SCHIP1: variants seen among roughly 807,000 people sequenced by gnomAD.
SCHIP1 encodes the protein schwannomin interacting protein 1.
A neutral mutation model predicts 29.7 loss-of-function variants in SCHIP1; 8 were observed. The ratio of observed to expected loss-of-function variants is 0.27; its 90% confidence interval spans 0.16 to 0.49. SCHIP1 has a LOEUF of 0.49. Among genes scored for constraint, SCHIP1 ranks in the 20% least tolerant of loss-of-function variants. SCHIP1 has a pLI of 0.99. For missense variants in SCHIP1, 193 were observed against 294.6 expected (o/e 0.66, Z 2.52); for synonymous variants, 76 against 94.9 (o/e 0.80, Z 1.16).
chr3:159,274,484 G>A, the SCHIP1 span: 1 of 721,940 alleles, frequency 1.4e-6, no homozygotes, highest in Non-Finnish European at 1.7e-6. Flanking sequence ...ATGGGCTATT[G>A]AAATAGTACT....
chr3:159,533,480 G>GT, the SCHIP1 span, among the ~76,000 whole-genome samples: 4 of 152,070 alleles, frequency 2.6e-5, no homozygotes, highest in East Asian at 1.9e-4. Context: ...ATTATTTTGG[G>GT]TTTTTTTCTC....
chr3:159,748,357 A>T, the SCHIP1 span, among the ~76,000 whole-genome samples: 1 of 152,256 alleles, frequency 6.6e-6, no homozygotes, highest in East Asian at 1.9e-4. Context: ...CATTGATAGT[A>T]CTAATGTAAA....
At chr3:159,793,700 G>A in the SCHIP1 span, among the ~76,000 whole-genome samples, 1 of 152,154 alleles carries the variant, frequency 6.6e-6, no homozygotes, top group African/African-American at 2.4e-5. Context: ...TGGGATTACA[G>A]GCGTGTGCCA....
the SCHIP1 span, chr3:159,274,193 C>T: frequency 2.0e-6 from 2 of 984,646 alleles, no homozygotes; most frequent in Non-Finnish European, 2.4e-6. Flanking sequence ...TTTTAATATA[C>T]ACATGTAAAT....
chr3:159,423,289 G>A, the SCHIP1 span, among the ~76,000 whole-genome samples: 1,826 of 152,338 alleles, frequency 0.012, 28 homozygotes, highest in Non-Finnish European at 0.019. Flanking sequence ...GGGTCAAGGA[G>A]TTCCCTTTCC....
At chr3:159,547,265 G>A in the SCHIP1 span, among the ~76,000 whole-genome samples, 2 of 152,026 alleles carry the variant, frequency 1.3e-5, no homozygotes, top group Non-Finnish European at 2.9e-5. Flanking sequence ...TTGTTGATGG[G>A]GCTGTTTTCT....
chr3:159,799,360 C>T, the SCHIP1 span, among the ~76,000 whole-genome samples: 3 of 152,352 alleles, frequency 2.0e-5, no homozygotes, highest in South Asian at 2.1e-4. Flanking sequence ...TACTTCACCT[C>T]GCTGAGCATC....
At chr3:159,764,737 C>G in the SCHIP1 span, 3 of 1,572,208 alleles carry the variant, frequency 1.9e-6, no homozygotes, top group East Asian at 2.4e-5. The surrounding 1 kb of genome is among the most constrained non-coding windows in gnomAD (Gnocchi z 6.1). Context: ...CTCTCCGGCC[C>G]GGGAACCGGG....
At chr3:159,630,088 A>T in the SCHIP1 span, among the ~76,000 whole-genome samples, 1 of 152,226 alleles carries the variant, frequency 6.6e-6, no homozygotes, top group Non-Finnish European at 1.5e-5. Context: ...AGCATGAAAG[A>T]GCATTACACA....
At chr3:159,637,018 A>G in the SCHIP1 span, among the ~76,000 whole-genome samples, 1 of 152,178 alleles carries the variant, frequency 6.6e-6, no homozygotes, top group Non-Finnish European at 1.5e-5. Flanking sequence ...TATTGATATT[A>G]CACTACTGAT....
intron 1 of SCHIP1, among the ~76,000 whole-genome samples, chr3:159,847,094 C>T (rs1711945296): frequency 6.6e-6 from 1 of 152,020 alleles, no homozygotes; most frequent in African/African-American, 2.4e-5. Context: ...TTAAGAAGTA[C>T]ATATGTGAAA....
rs577384704 is a variant in SCHIP1 at position 159,877,347 on chromosome 3, T to C, written c.150-8860T>C. On this transcript the variant is annotated intron_variant, in intron 2 of 6. Coordinates refer to ENST00000445224, the Ensembl canonical transcript of SCHIP1. ...CCTGGGTGACAAGAGCGAAACTCTG[T>C]TTCAAAGAATAAAAAATAAAGACTG... Among the ~76,000 whole-genome samples the C allele has an allele frequency of 2.6e-5, 4 of 152,292 alleles. No individual in the cohort carries two copies. The South Asian group carries it at 8.3e-4, about 32-fold the overall frequency.
At chr3:159,314,245 C>T in the SCHIP1 span, among the ~76,000 whole-genome samples, 1 of 152,124 alleles carries the variant, frequency 6.6e-6, no homozygotes, top group Non-Finnish European at 1.5e-5. Context: ...TACTGTTTGT[C>T]AGTAATTTTG....
the SCHIP1 span, among the ~76,000 whole-genome samples, chr3:159,503,308 A>G: frequency 6.6e-6 from 1 of 152,192 alleles, no homozygotes; most frequent in African/African-American, 2.4e-5. Context: ...AAATGCGACA[A>G]TATTAAACCT....
the SCHIP1 span, among the ~76,000 whole-genome samples, chr3:159,383,490 A>G: frequency 1.3e-5 from 2 of 151,958 alleles, no homozygotes; most frequent in East Asian, 1.9e-4. Flanking sequence ...TACCAGTACC[A>G]TGCTGTTTTG....
the SCHIP1 span, chr3:159,306,616 A>T: frequency 5.4e-5 from 47 of 875,246 alleles, no homozygotes; most frequent in Non-Finnish European, 6.3e-5. Context: ...ACACCTCACT[A>T]CTTTAGCCTT....
At chr3:159,894,410 T>G (rs1343649950) in intron 6 of SCHIP1, 2 of 152,222 alleles carry the variant, frequency 1.3e-5, no homozygotes, top group African/African-American at 4.8e-5. Context: ...CATTCCATGC[T>G]GGCATGTTTC....
At chr3:159,292,520 A>G in the SCHIP1 span, among the ~76,000 whole-genome samples, 2 of 152,152 alleles carry the variant, frequency 1.3e-5, no homozygotes, top group Non-Finnish European at 2.9e-5. Context: ...AAAGGGGGGC[A>G]TGAAATAACT....
At chr3:159,813,469 T>G in the SCHIP1 span, among the ~76,000 whole-genome samples, 1 of 152,020 alleles carries the variant, frequency 6.6e-6, no homozygotes, top group African/African-American at 2.4e-5. Context: ...GGCAGGAGGA[T>G]CTCCTAAGCC....
Sources: allele counts gnomAD v4.1 joint callset (sites outside exome capture counted in the v4.1 genomes callset), GRCh38; gene constraint gnomAD v4.1.1; non-coding constraint Gnocchi (gnomAD v3.1); transcripts MANE v1.5; gene names NCBI Gene and HGNC (gene_info 2026-07-23, HGNC 2026-07-21).